The following PINX1 variants were observed in gnomAD, a reference collection of about 807,000 sequenced individuals.
PINX1 encodes the protein PIN2/TERF1-interacting telomerase inhibitor 1.
A neutral mutation model predicts 25.4 loss-of-function variants in PINX1; 34 were observed. The observed-to-expected ratio is 1.34, with a 90% CI of 1.02 to 1.78. The LOEUF (loss-of-function observed/expected upper bound fraction) is 1.78. Ranked by LOEUF, PINX1 falls within the 40% of genes most tolerant of loss-of-function variation. PINX1 has a pLI of 0.00. For synonymous variants in PINX1, 197 were observed against 147.7 expected, an observed-to-expected ratio of 1.33 and a Z score of -2.42; for missense variants, 592 against 404.9, an observed-to-expected ratio of 1.46 and a Z score of -3.97.
chr8:10,825,242 G>C, intron 5 of PINX1: 1 of 462,878 alleles, frequency 2.2e-6, no homozygotes, highest in Non-Finnish European at 4.5e-6. Flanking sequence ...TACAAGTTAA[G>C]AGCTTCCCAG....
At chr8:10,818,974 G>A (rs1330856114) in intron 6 of PINX1, among the ~76,000 whole-genome samples, 1 of 152,206 alleles carries the variant, frequency 6.6e-6, no homozygotes, top group Non-Finnish European at 1.5e-5. Flanking sequence ...CCAGAAGCCA[G>A]CCTGTCTGAC....
At position 10,809,550 on chromosome 8, in the gene PINX1, A is replaced by T. The variant is rs141986773; in HGVS notation, c.471+10643T>A. ...GTAACCCATCTCAAGCACTATTCAC[A>T]CCAAAGTCACTCCAGCCAGCCAATA... On this transcript the variant is annotated intron_variant, in intron 6 of 6. Coordinates refer to ENST00000314787, the MANE Select transcript of PINX1 (RefSeq NM_017884.6). 2.4e-3 allele frequency among the ~76,000 whole-genome samples: 365 copies of T among 152,330 alleles called. 2 individuals are homozygous for T. The highest frequency in any genetic ancestry group is 8.6e-3 in the African/African-American group (356 of 41,574).
intron 5 of PINX1, among the ~76,000 whole-genome samples, chr8:10,824,736 T>C (rs1296479555): frequency 6.6e-6 from 1 of 152,220 alleles, no homozygotes; most frequent in Non-Finnish European, 1.5e-5. Flanking sequence ...CCTGTAAAAG[T>C]GAAAGCGTAA....
Position 10,833,129 on chromosome 8 carries a change from G to A in PINX1, c.130-145C>T, listed in dbSNP as rs139299081. On this transcript the variant is annotated intron_variant, in intron 2 of 6. Transcript: ENST00000314787. ...TAAATACTTTCACAAAGCAACATGG[G>A]GGAGGACTCTAAGTCCTCTGCATCA... The A allele has an allele frequency of 1.2e-4, 68 of 553,012 alleles. 1 individual carries two copies. Among genetic ancestry groups the A allele is most frequent in the South Asian group, 9.0e-4 (37 of 40,972 alleles). The allele number at this position is 553,012 out of a possible 1,614,324, so 34.3% of individuals were successfully genotyped here. A position where few individuals can be genotyped will look rare whatever the true frequency, so the allele number is the denominator to read the frequency against.
At chr8:10,767,156 T>C (rs920607807) in intron 6 of PINX1, among the ~76,000 whole-genome samples, 2 of 152,148 alleles carry the variant, frequency 1.3e-5, no homozygotes, top group African/African-American at 2.4e-5. Context: ...AATAAAGAAA[T>C]CTCCAAATCA....
chr8:10,814,345 C>A (rs1037896619), intron 6 of PINX1, among the ~76,000 whole-genome samples: 3 of 152,194 alleles, frequency 2.0e-5, no homozygotes, highest in Non-Finnish European at 2.9e-5. Flanking sequence ...TAGCCGGATT[C>A]AGCAGGGAAA....
rs758884119 is a variant in PINX1 at position 10,765,699 on chromosome 8, G to C, written c.689C>G (p.Pro230Arg). The stretch of plus-strand genomic sequence containing the variant: ...TCCCTCCGTGTGCCTCTTGGCCTTA[G>C]GCTGGAGGTAACTTTCCACATCTTT... ...TGKDVESYLQ[P>R]KAKRHTEGKP... Residue 230 changes from proline to arginine, a missense_variant, in exon 7 of 7, where the codon CCT (proline) becomes CGT (arginine). By Grantham distance (103) the Pro-to-Arg change is moderately radical (BLOSUM62 -2). Coordinates refer to ENST00000314787, the MANE Select transcript of PINX1 (RefSeq NM_017884.6). 6.2e-7 allele frequency: 1 copy of C among 1,614,014 alleles called. No individual in the cohort carries two copies. Among genetic ancestry groups the C allele is most frequent in the Non-Finnish European group, 8.5e-7 (1 of 1,179,894 alleles).
chr8:10,797,008 C>T (rs1356801985), intron 6 of PINX1, among the ~76,000 whole-genome samples: 1 of 151,898 alleles, frequency 6.6e-6, no homozygotes, highest in Non-Finnish European at 1.5e-5. Flanking sequence ...ACAGTAAGAA[C>T]CAAGCAGAAG....
At chr8:10,782,629 A>G (rs1261226029) in intron 6 of PINX1, among the ~76,000 whole-genome samples, 5 of 152,060 alleles carry the variant, frequency 3.3e-5, no homozygotes, top group Admixed American at 3.3e-4. Context: ...CCAGCCACTC[A>G]GGAGGCTGAG....
At chr8:10,823,363 T>C (rs532481813) in intron 5 of PINX1, among the ~76,000 whole-genome samples, 3 of 152,240 alleles carry the variant, frequency 2.0e-5, no homozygotes, top group African/African-American at 7.2e-5. Flanking sequence ...GCAACTTTCA[T>C]CCAACAACTG....
rs72552396 is a variant in PINX1 at position 10,793,384 on chromosome 8, G to T, written c.471+26809C>A. ...CAATCTTTTGGCTTCCCAGGGCCAC[G>T]CTGGAAGAAGAAGAATTGTCTTGGG... is the stretch of plus-strand genomic sequence containing the variant. On this transcript the variant is annotated intron_variant, in intron 6 of 6. Coordinates refer to ENST00000314787, the MANE Select transcript of PINX1 (RefSeq NM_017884.6). Among the ~76,000 whole-genome samples the T allele has an allele frequency of 9.9e-5, 15 of 152,264 alleles. 1 individual carries two copies. The highest frequency in any genetic ancestry group is 3.6e-4 in the African/African-American group (15 of 41,550).
intron 6 of PINX1, among the ~76,000 whole-genome samples, chr8:10,789,381 G>T (rs530419349): frequency 1.8e-4 from 28 of 152,346 alleles, no homozygotes; most frequent in Non-Finnish European, 3.8e-4. Context: ...GATCCCCACA[G>T]TCAAGCTAAT....
In PINX1 at chr8:10,827,116, G is replaced by A. The variant is rs183726863; in HGVS notation, c.302-872C>T. ...TGTCTCTCCACCCTGGGAGAACAGG[G>A]GGAAAGACGTTCAGGACTCTCTGAA... is the stretch of plus-strand genomic sequence containing the variant. On this transcript the variant is annotated intron_variant, in intron 4 of 6. Transcript: ENST00000314787. Among the ~76,000 whole-genome samples the A allele has an allele frequency of 8.5e-5, 13 of 152,322 alleles. No individual in the cohort carries two copies. In the East Asian group the frequency reaches 2.5e-3, roughly 29 times the overall value.
intron 6 of PINX1, among the ~76,000 whole-genome samples, chr8:10,816,106 G>C (rs1435391519): frequency 1.3e-5 from 2 of 152,182 alleles, no homozygotes; most frequent in Non-Finnish European, 1.5e-5. Context: ...TAGCACAAGG[G>C]AGGCCTTGGT....
intron 6 of PINX1, among the ~76,000 whole-genome samples, chr8:10,804,051 C>T (rs1380020809): frequency 6.6e-6 from 1 of 152,202 alleles, no homozygotes; most frequent in African/African-American, 2.4e-5. Context: ...CTACTAACGA[C>T]CCTGAGCCAG....
intron 5 of PINX1, chr8:10,821,917 A>G (rs914344348): frequency 6.6e-6 from 1 of 152,258 alleles, no homozygotes; most frequent in African/African-American, 2.4e-5. Context: ...CATGATGTCA[A>G]AATGTGAACA....
At chr8:10,804,270 C>T (rs1356266953) in intron 6 of PINX1, among the ~76,000 whole-genome samples, 1 of 152,218 alleles carries the variant, frequency 6.6e-6, no homozygotes, top group Non-Finnish European at 1.5e-5. Context: ...CTCTCATCAC[C>T]AGAGCCTAGA....
intron 6 of PINX1, among the ~76,000 whole-genome samples, chr8:10,773,692 C>T (rs543242599): frequency 4.6e-5 from 7 of 152,220 alleles, no homozygotes; most frequent in Non-Finnish European, 8.8e-5. Flanking sequence ...CCAGCTATTC[C>T]GATTGCCACT....
chr8:10,832,774 G>A (rs571024031), intron 3 of PINX1, 118 bp downstream of exon 3: 9 of 585,962 alleles, frequency 1.5e-5, no homozygotes, highest in African/African-American at 7.6e-5. Context: ...AAGAGGAAAC[G>A]TGAATAAAAA....
Sources: allele counts gnomAD v4.1 joint callset (sites outside exome capture counted in the v4.1 genomes callset), GRCh38; gene constraint gnomAD v4.1.1; transcripts MANE v1.5; gene names NCBI Gene and HGNC (gene_info 2026-07-23, HGNC 2026-07-21).